The following XKR6 variants were observed in gnomAD, a reference collection of about 807,000 sequenced individuals.
The protein encoded by XKR6 is XK-related protein 6.
XKR6 carries 22 observed loss-of-function variants against 56.7 expected under a neutral mutation model. The observed-to-expected ratio is 0.39, with a 90% CI of 0.28 to 0.55. The LOEUF (loss-of-function observed/expected upper bound fraction) is 0.55. XKR6 is among the 20% of genes least tolerant of loss of function. The pLI, the probability that XKR6 is intolerant of heterozygous loss-of-function variation, is 0.66. For missense variants in XKR6, 852 were observed against 889.0 expected (o/e 0.96, Z 0.53); for synonymous variants, 524 against 387.8 (o/e 1.35, Z -4.13).
chr8:11,193,438 T>C (rs188907249), intron 1 of XKR6, among the ~76,000 whole-genome samples: 2 of 152,282 alleles, frequency 1.3e-5, no homozygotes, highest in African/African-American at 4.8e-5. Context: ...ACATTAGAAA[T>C]ACAGAAATGA....
At chr8:11,133,092 A>G (rs374227197) in intron 1 of XKR6, among the ~76,000 whole-genome samples, 1 of 152,188 alleles carries the variant, frequency 6.6e-6, no homozygotes, top group East Asian at 1.9e-4. Flanking sequence ...AAGCAAATAT[A>G]TGAATATAGT....
chr8:11,017,580 G>A (rs983713393), intron 1 of XKR6, among the ~76,000 whole-genome samples: 5 of 152,238 alleles, frequency 3.3e-5, no homozygotes, highest in African/African-American at 1.2e-4. Context: ...GGCACTCAGA[G>A]ACCCTGGGCC....
chr8:10,952,930 C>T (rs1241651040), intron 1 of XKR6, among the ~76,000 whole-genome samples: 1 of 152,138 alleles, frequency 6.6e-6, no homozygotes, highest in African/African-American at 2.4e-5. Flanking sequence ...ATTAGATTCC[C>T]ACAGGACTGT....
At chr8:11,199,152 A>G (rs1804056177) in intron 1 of XKR6, among the ~76,000 whole-genome samples, 1 of 152,208 alleles carries the variant, frequency 6.6e-6, no homozygotes, top group African/African-American at 2.4e-5. Context: ...AAATGCAGCT[A>G]GAAAAAAAGC....
intron 1 of XKR6, among the ~76,000 whole-genome samples, chr8:11,195,593 T>TA (rs1803838787): frequency 6.6e-6 from 1 of 152,136 alleles, no homozygotes; most frequent in Non-Finnish European, 1.5e-5. Flanking sequence ...CAAACACATT[T>TA]ATACTTTTCT....
chr8:10,931,835 CA>C (rs71538099), intron 1 of XKR6, among the ~76,000 whole-genome samples: 1 of 84,596 alleles, frequency 1.2e-5, no homozygotes, highest in Admixed American at 9.5e-5. Flanking sequence ...ATAAAAAAAA[CA>C]AAAAAGATAA....
intron 1 of XKR6, among the ~76,000 whole-genome samples, chr8:11,176,334 G>C (rs1009916796): frequency 2.6e-5 from 4 of 152,164 alleles, no homozygotes; most frequent in African/African-American, 9.7e-5. Context: ...CGGAGGTTTA[G>C]CTGAGTCAAG....
At chr8:10,947,468 G>T (rs1303126965) in intron 1 of XKR6, among the ~76,000 whole-genome samples, 1 of 152,086 alleles carries the variant, frequency 6.6e-6, no homozygotes, top group Non-Finnish European at 1.5e-5. Flanking sequence ...GGGGGATCGA[G>T]GGAGAGCAGC....
In XKR6 at chr8:11,110,811, T is replaced by C. The variant is rs555830395; in HGVS notation, c.764+89765A>G. On this transcript the variant is annotated intron_variant, in intron 1 of 2. Transcript: ENST00000416569. The stretch of plus-strand genomic sequence containing the variant: ...AAGTAGCCCACAGTTTTAAATAGCA[T>C]GTTCAGGTACATGGAATACACTCAA... Among the ~76,000 whole-genome samples, 13 of 152,204 alleles carry C rather than the reference T, an allele frequency of 8.5e-5. No homozygotes were observed. In the East Asian group the frequency reaches 2.3e-3, roughly 27 times the overall value.
chr8:11,166,441 T>C (rs1404249372), intron 1 of XKR6, among the ~76,000 whole-genome samples: 1 of 152,166 alleles, frequency 6.6e-6, no homozygotes, highest in Non-Finnish European at 1.5e-5. Context: ...TAAAGGGCCG[T>C]TGCTTATAGA....
chr8:10,982,645 C>A (rs1273345963), intron 1 of XKR6, among the ~76,000 whole-genome samples: 1 of 152,170 alleles, frequency 6.6e-6, no homozygotes, highest in Non-Finnish European at 1.5e-5. Context: ...GGAGTCAGAT[C>A]GTTTTATGAG....
chr8:11,008,023 G>A (rs542009288), intron 1 of XKR6, among the ~76,000 whole-genome samples: 21 of 152,270 alleles, frequency 1.4e-4, no homozygotes, highest in Admixed American at 3.3e-4. Context: ...GGAAGCAGGC[G>A]TTTGCTTTTT....
intron 1 of XKR6, among the ~76,000 whole-genome samples, chr8:10,941,986 C>T (rs890829232): frequency 3.3e-5 from 5 of 152,182 alleles, no homozygotes; most frequent in African/African-American, 4.8e-5. Context: ...CTCAGAAAGC[C>T]GACCTTAAAG....
At position 11,036,991 on chromosome 8, in the gene XKR6, A is replaced by C. The variant is rs576001610; in HGVS notation, c.765-112161T>G. Among the ~76,000 whole-genome samples, 410 of 152,324 alleles carry C rather than the reference A, an allele frequency of 2.7e-3. 4 individuals carry two copies. Among genetic ancestry groups the C allele is most frequent in the African/African-American group, 9.5e-3 (394 of 41,582 alleles). On this transcript the variant is annotated intron_variant, in intron 1 of 2. Coordinates refer to ENST00000416569, the MANE Select transcript of XKR6 (RefSeq NM_173683.4). ...TGAGAAGCCCCCTAGATCGGGTATGAAAGCCAGCTGAAAACGTCGGTGCCC... is the reference window on the plus strand; with the variant it reads ...TGAGAAGCCCCCTAGATCGGGTATGCAAGCCAGCTGAAAACGTCGGTGCCC...
At chr8:11,147,453 C>A (rs1231477775) in intron 1 of XKR6, among the ~76,000 whole-genome samples, 1 of 151,438 alleles carries the variant, frequency 6.6e-6, no homozygotes, top group Non-Finnish European at 1.5e-5. Flanking sequence ...ATCAAGAGAT[C>A]GAGACAATCC....
intron 1 of XKR6, among the ~76,000 whole-genome samples, chr8:11,198,221 GCAAA>G (rs1563214194): frequency 6.6e-6 from 1 of 152,060 alleles, no homozygotes; most frequent in East Asian, 1.9e-4. Flanking sequence ...TGATTTCAAC[GCAAA>G]CAACATGGCT....
chr8:10,935,300 A>G (rs1461431198), intron 1 of XKR6, among the ~76,000 whole-genome samples: 1 of 133,664 alleles, frequency 7.5e-6, no homozygotes. Flanking sequence ...TTTTTTCTTT[A>G]TTAGTCTTGC....
At chr8:11,083,636 G>A (rs1415663531) in intron 1 of XKR6, among the ~76,000 whole-genome samples, 1 of 152,176 alleles carries the variant, frequency 6.6e-6, no homozygotes, top group Non-Finnish European at 1.5e-5. Context: ...TGAGTTCATA[G>A]AGAAAAAGCC....
At chr8:11,137,440 G>A in intron 1 of XKR6, 1 of 390,362 alleles carries the variant, frequency 2.6e-6, no homozygotes, top group East Asian at 7.2e-5. Context: ...CTCAAACGTG[G>A]ACAGTCCCTT....
Sources: allele counts gnomAD v4.1 joint callset (sites outside exome capture counted in the v4.1 genomes callset), GRCh38; gene constraint gnomAD v4.1.1; transcripts MANE v1.5; gene names NCBI Gene and HGNC (gene_info 2026-07-23, HGNC 2026-07-21).